The following ZNF827 variants were observed in gnomAD, a reference collection of about 807,000 sequenced individuals.
ZNF827 encodes zinc finger protein 827.
Under a neutral mutation model 102.4 loss-of-function variants are expected in ZNF827, and 13 were observed. The observed-to-expected ratio is 0.13, with a 90% CI of 0.08 to 0.20. The LOEUF (loss-of-function observed/expected upper bound fraction) is 0.20. Among genes scored for constraint, ZNF827 ranks in the 10% least tolerant of loss-of-function variants. The probability of loss-of-function intolerance (pLI) is 1.00; values close to 1 mark genes in which losing one functional copy is unlikely to be tolerated. For synonymous variants in ZNF827, 523 were observed against 536.2 expected (o/e 0.98, Z 0.34); for missense variants, 1,103 against 1,344.4 (o/e 0.82, Z 2.81).
intron 8 of ZNF827, among the ~76,000 whole-genome samples, chr4:145,815,779 A>C (rs1340038576): frequency 1.3e-5 from 2 of 152,166 alleles, no homozygotes; most frequent in Non-Finnish European, 2.9e-5. Context: ...TCAAACAAAT[A>C]CTCTCCATCA....
chr4:145,887,568 C>CA (rs1174829112), intron 3 of ZNF827, among the ~76,000 whole-genome samples: 1 of 152,178 alleles, frequency 6.6e-6, no homozygotes, highest in Admixed American at 6.5e-5. Context: ...CACTTAAACT[C>CA]AGTTAGGCAA....
At chr4:145,822,939 A>C (rs1177151325) in intron 8 of ZNF827, among the ~76,000 whole-genome samples, 1 of 152,224 alleles carries the variant, frequency 6.6e-6, no homozygotes. Context: ...ATGGCCAAGA[A>C]GAGAGACAAA....
At chr4:145,858,849 G>A (rs1747435272) in intron 5 of ZNF827, among the ~76,000 whole-genome samples, 1 of 152,088 alleles carries the variant, frequency 6.6e-6, no homozygotes, top group Non-Finnish European at 1.5e-5. Context: ...CTGAGAGTTT[G>A]TCAATTTTTC....
At chr4:145,881,347 G>C (rs556587954) in intron 4 of ZNF827, among the ~76,000 whole-genome samples, 2 of 152,178 alleles carry the variant, frequency 1.3e-5, no homozygotes, top group Admixed American at 6.5e-5. Context: ...TCAATTTTAC[G>C]AAATTAATAT....
At chr4:145,828,143 C>T (rs901160627) in intron 7 of ZNF827, among the ~76,000 whole-genome samples, 1 of 152,118 alleles carries the variant, frequency 6.6e-6, no homozygotes, top group Non-Finnish European at 1.5e-5. Context: ...CTGGACTTTA[C>T]GACGTGCCCC....
Position 145,902,018 on chromosome 4 carries a change from GCTTA to G in ZNF827, c.1093+144_1093+147del, listed in dbSNP as rs1439351038. On this transcript the variant is annotated intron_variant, in intron 2 of 14. Transcript: ENST00000508784. This position sits in a 1 kb window ranked among gnomAD's most constrained non-coding sequence, Gnocchi z 4.3. The stretch of plus-strand genomic sequence containing the variant: ...TACGTACATGAAAGACTACTATGCT[GCTTA>G]CTTAAAGTATTTTTGTTGTGCTCTT... The G allele has an allele frequency of 7.2e-6, 7 of 977,900 alleles. No individual in the cohort carries two copies. The highest frequency in any genetic ancestry group is 1.9e-5 in the South Asian group (1 of 51,392). 60.6% of individuals were successfully genotyped at this position (977,900 alleles called of 1,614,324 possible). A position where few individuals can be genotyped will look rare whatever the true frequency, so the allele number is the denominator to read the frequency against.
At chr4:145,836,420 T>C in intron 7 of ZNF827, among the ~76,000 whole-genome samples, 1 of 152,188 alleles carries the variant, frequency 6.6e-6, no homozygotes. Context: ...TTAATACTTT[T>C]AGAGGCCCTC....
chr4:145,849,368 C>T lies in ZNF827; in HGVS notation c.2175G>A (p.Gln725=). The T allele has an allele frequency of 6.2e-7, 1 of 1,614,076 alleles. No homozygotes were observed. ...CGGAAGCCATTTTCACAGAGATATC[C>T]TGACTGAAGAGGTTTCTCTCTGGGG... is the stretch of plus-strand genomic sequence containing the variant. ...RVPPERNLFS[Q]DISVKMASEL... The change falls in exon 6 of 15, where the codon CAG becomes CAA. Residue 725 remains glutamine, a synonymous_variant. Coordinates refer to ENST00000508784, the MANE Select transcript of ZNF827 (RefSeq NM_001306215.2).
In ZNF827 at chr4:145,829,438, CAAGTAA is replaced by C. The variant is rs553850856; in HGVS notation, c.2280-5919_2280-5914del. Among the ~76,000 whole-genome samples, 1,188 of 152,132 alleles carry C rather than the reference CAAGTAA, an allele frequency of 7.8e-3. 9 individuals are homozygous for C. Among genetic ancestry groups the C allele is most frequent in the Middle Eastern group, 0.024 (7 of 294 alleles). On this transcript the variant is annotated intron_variant, in intron 7 of 14. Coordinates refer to ENST00000508784, the MANE Select transcript of ZNF827 (RefSeq NM_001306215.2). ...AAAAAAAATTCTTCGGTGAATTAAT[CAAGTAA>C]AAGTACTCGATTATCATATATTCAG...
intron 8 of ZNF827, among the ~76,000 whole-genome samples, chr4:145,807,660 T>C (rs781781431): frequency 2.0e-5 from 3 of 151,354 alleles, no homozygotes; most frequent in East Asian, 1.9e-4. Flanking sequence ...TTAGTAGAGA[T>C]GGGGTTTCAC....
intron 1 of ZNF827, among the ~76,000 whole-genome samples, chr4:145,911,282 A>G (rs1752271843): frequency 6.6e-6 from 1 of 152,178 alleles, no homozygotes. Context: ...ATTTCAAGTG[A>G]CTTCTGCATT....
Position 145,926,973 on chromosome 4 carries a change from G to A in ZNF827, c.43+11392C>T, listed in dbSNP as rs1484772381. 5.3e-5 allele frequency among the ~76,000 whole-genome samples: 8 copies of A among 151,858 alleles called. No individual in the cohort carries two copies. In the East Asian group the frequency reaches 1.5e-3, roughly 29 times the overall value. ...TATAAATGTCACAAAGCAGCTCACTGTAATTTGATTTCTCACTTTCTTAAG... is the reference window on the plus strand; with the variant it reads ...TATAAATGTCACAAAGCAGCTCACTATAATTTGATTTCTCACTTTCTTAAG... On this transcript the variant is annotated intron_variant, in intron 1 of 14. Coordinates refer to ENST00000508784, the MANE Select transcript of ZNF827 (RefSeq NM_001306215.2).
intron 5 of ZNF827, 73 bp downstream of exon 5, chr4:145,870,172 C>T (rs1433792668): frequency 1.4e-6 from 2 of 1,435,780 alleles, no homozygotes; most frequent in Non-Finnish European, 1.9e-6. Context: ...AATTATAACC[C>T]ATGCAGGAAG....
intron 8 of ZNF827, among the ~76,000 whole-genome samples, chr4:145,813,650 C>T (rs912019911): frequency 6.6e-6 from 1 of 152,108 alleles, no homozygotes; most frequent in Middle Eastern, 3.2e-3. Flanking sequence ...AAAACAGACC[C>T]GTATTATAAT....
At chr4:145,884,720 GA>G (rs1579472173) in intron 4 of ZNF827, among the ~76,000 whole-genome samples, 1 of 151,888 alleles carries the variant, frequency 6.6e-6, no homozygotes, top group East Asian at 1.9e-4. Flanking sequence ...AATATGTTGG[GA>G]AAAAATGATA....
intron 11 of ZNF827, among the ~76,000 whole-genome samples, chr4:145,770,321 A>C (rs1736061158): frequency 6.9e-6 from 1 of 145,092 alleles, no homozygotes; most frequent in Non-Finnish European, 1.5e-5. Context: ...TAAATAAATA[A>C]ATAAATAAAT....
chr4:145,910,142 G>A (rs537875951), intron 1 of ZNF827, among the ~76,000 whole-genome samples: 37 of 152,264 alleles, frequency 2.4e-4, no homozygotes, highest in Admixed American at 7.2e-4. Flanking sequence ...GTCCACACAC[G>A]GGGGGAGGGA....
chr4:145,903,719 A>G (rs1282336587), intron 1 of ZNF827, among the ~76,000 whole-genome samples: 2 of 152,216 alleles, frequency 1.3e-5, no homozygotes, highest in East Asian at 1.9e-4. Context: ...ACTTCCTCCA[A>G]TATAAGATGC....
intron 1 of ZNF827, among the ~76,000 whole-genome samples, chr4:145,928,035 T>C (rs1450397747): frequency 6.6e-6 from 1 of 152,172 alleles, no homozygotes; most frequent in Admixed American, 6.5e-5. Flanking sequence ...TACTGTAGAT[T>C]CCTTCCATCA....
Sources: gnomAD v4.1 joint callset for allele counts (sites outside exome capture counted in the v4.1 genomes callset) on GRCh38, gnomAD v4.1.1 for gene constraint, Gnocchi (gnomAD v3.1) non-coding constraint, MANE v1.5 for transcripts, NCBI Gene and HGNC (gene_info 2026-07-23, HGNC 2026-07-21) for gene names.